DACH2: variants seen among roughly 807,000 people sequenced by gnomAD.
DACH2 encodes dachshund family transcription factor 2.
Under a neutral mutation model 35.8 loss-of-function variants are expected in DACH2, and 17 were observed. The observed-to-expected ratio is 0.48, with a 90% CI of 0.33 to 0.71. The LOEUF (loss-of-function observed/expected upper bound fraction) is 0.71, where lower values mean the gene tolerates loss of function less well. DACH2 is among the 30% of genes least tolerant of loss of function. The pLI, the probability that DACH2 is intolerant of heterozygous loss-of-function variation, is 0.02. For missense variants in DACH2, 469 were observed against 472.7 expected (o/e 0.99, Z 0.07); for synonymous variants, 195 against 177.3 (o/e 1.10, Z -0.79).
intron 3 of DACH2, among the ~76,000 whole-genome samples, chrX:86,605,587 G>A (rs1476673920): frequency 9.1e-6 from 1 of 110,101 alleles, no homozygotes; most frequent in Non-Finnish European, 1.9e-5. Flanking sequence ...TAAGCATTTG[G>A]CCATTTTCTC....
chrX:86,339,568 G>C (rs1334964043), intron 1 of DACH2, among the ~76,000 whole-genome samples: 1 of 111,439 alleles, frequency 9.0e-6, no homozygotes, highest in Non-Finnish European at 1.9e-5. Context: ...CTGTCTTACA[G>C]ATAAGGAACC....
chrX:86,663,233 T>A (rs1253904881), intron 4 of DACH2, among the ~76,000 whole-genome samples: 7 of 111,765 alleles, frequency 6.3e-5, no homozygotes, highest in Non-Finnish European at 1.1e-4. Flanking sequence ...GGTTTTTAAC[T>A]TACTGAGGGA....
At chrX:86,344,343 T>C (rs931086732) in intron 1 of DACH2, among the ~76,000 whole-genome samples, 1,420 of 92,573 alleles carry the variant, frequency 0.015, 24 homozygotes, top group African/African-American at 0.05. Flanking sequence ...TATATATATA[T>C]ACACACACAC....
chrX:86,334,205 A>G (rs1444243049), intron 1 of DACH2, among the ~76,000 whole-genome samples: 1 of 112,130 alleles, frequency 8.9e-6, no homozygotes, highest in Non-Finnish European at 1.9e-5. Flanking sequence ...GAACAGTGCC[A>G]CAATAAACAT....
intron 1 of DACH2, among the ~76,000 whole-genome samples, chrX:86,346,407 A>G (rs758633388): frequency 9.5e-5 from 10 of 105,421 alleles, no homozygotes; most frequent in African/African-American, 3.9e-4. Flanking sequence ...TTTTATAGAT[A>G]TCTATCCATT....
intron 3 of DACH2, among the ~76,000 whole-genome samples, chrX:86,635,481 G>A (rs1175418054): frequency 9.0e-6 from 1 of 111,042 alleles, no homozygotes; most frequent in African/African-American, 3.3e-5. Flanking sequence ...AGACAAGAAT[G>A]CCCTCTCTCA....
intron 1 of DACH2, among the ~76,000 whole-genome samples, chrX:86,287,026 G>A (rs771468844): frequency 2.8e-4 from 31 of 110,815 alleles, no homozygotes; most frequent in Non-Finnish European, 4.7e-4. Context: ...GTTTCTCATT[G>A]AAAGACTTCA....
chrX:86,705,050 CAT>C (rs753181886), intron 5 of DACH2, among the ~76,000 whole-genome samples: 12 of 75,268 alleles, frequency 1.6e-4, no homozygotes, highest in African/African-American at 2.4e-4. Flanking sequence ...ATATATCTCA[CAT>C]ATATATATAT....
At chrX:86,469,105 G>A (rs768188779) in intron 2 of DACH2, among the ~76,000 whole-genome samples, 43 of 111,637 alleles carry the variant, frequency 3.9e-4, no homozygotes, top group African/African-American at 1.4e-3. Context: ...GCCAGGCACA[G>A]ATAAACAAAT....
intron 3 of DACH2, among the ~76,000 whole-genome samples, chrX:86,581,378 AAACTTG>A (rs147805664): frequency 0.012 from 1,344 of 109,937 alleles, 9 homozygotes; most frequent in Non-Finnish European, 0.019. Flanking sequence ...TACCAATATT[AAACTTG>A]AATGTATGTG....
chrX:86,486,781 C>A (rs1320402708), intron 2 of DACH2, among the ~76,000 whole-genome samples: 1 of 112,103 alleles, frequency 8.9e-6, no homozygotes, highest in East Asian at 2.8e-4. Flanking sequence ...GGCTTAACTT[C>A]TCACCTTAAA....
chrX:86,618,037 A>T (rs1039610306), intron 3 of DACH2, among the ~76,000 whole-genome samples: 3 of 111,945 alleles, frequency 2.7e-5, no homozygotes, highest in Non-Finnish European at 3.8e-5. Context: ...GGTAGTTGGG[A>T]GGCTGAGGTG....
intron 1 of DACH2, among the ~76,000 whole-genome samples, chrX:86,313,168 A>C (rs1277365175): frequency 1.8e-5 from 2 of 111,306 alleles, no homozygotes; most frequent in Admixed American, 9.6e-5. Flanking sequence ...TTGTACTATT[A>C]TATCAGTTAT....
At chrX:86,209,628 G>A (rs1478671797) in intron 1 of DACH2, among the ~76,000 whole-genome samples, 1 of 110,885 alleles carries the variant, frequency 9.0e-6, no homozygotes. Context: ...TCCCAGTGCA[G>A]ATAACACAGG....
chrX:86,689,371 C>A (rs768687185), intron 4 of DACH2, among the ~76,000 whole-genome samples: 76 of 111,460 alleles, frequency 6.8e-4, no homozygotes, highest in Non-Finnish European at 1.3e-3. Flanking sequence ...CTTTACAATA[C>A]ACTAAACCCT....
chrX:86,594,842 G>A lies in DACH2; in HGVS notation c.641-56194G>A, dbSNP rs951178404. 1.1e-4 allele frequency among the ~76,000 whole-genome samples: 12 copies of A among 111,260 alleles called. 1 individual carries two copies. The South Asian group carries it at 1.1e-3, about 10-fold the overall frequency. The stretch of plus-strand genomic sequence containing the variant: ...ATTCTGTCCTAAGATATTTTCTGTC[G>A]GCCAGGTCTGTGAATTACTGATAGA... On this transcript the variant is annotated intron_variant, in intron 3 of 11. Coordinates refer to ENST00000373125, the MANE Select transcript of DACH2 (RefSeq NM_053281.3).
intron 1 of DACH2, among the ~76,000 whole-genome samples, chrX:86,284,890 G>A (rs1464314952): frequency 1.8e-5 from 2 of 111,055 alleles, no homozygotes; most frequent in African/African-American, 3.3e-5. Context: ...TGTTTAGGAA[G>A]TTGTCCATTT....
chrX:86,298,241 C>T lies in DACH2; in HGVS notation c.489-78583C>T, dbSNP rs760145607. The stretch of plus-strand genomic sequence containing the variant: ...TCCAAAATGATATATTTCCATAATT[C>T]TCAGTAGTGATTTGACCCTCTTGGT... On this transcript the variant is annotated intron_variant, in intron 1 of 11. Transcript: ENST00000373125. Among the ~76,000 whole-genome samples the T allele has an allele frequency of 2.9e-4, 32 of 111,750 alleles. No individual in the cohort carries two copies. In the South Asian group the frequency reaches 9.4e-3, roughly 33 times the overall value.
At chrX:86,379,472 C>A (rs1406496830) in intron 2 of DACH2, among the ~76,000 whole-genome samples, 1 of 104,266 alleles carries the variant, frequency 9.6e-6, no homozygotes, top group Admixed American at 1.0e-4. Flanking sequence ...AAAAAGGAAA[C>A]AATTAAATTC....
Sources: gnomAD v4.1 joint callset for allele counts (sites outside exome capture counted in the v4.1 genomes callset) on GRCh38, gnomAD v4.1.1 for gene constraint, MANE v1.5 for transcripts, NCBI Gene and HGNC (gene_info 2026-07-23, HGNC 2026-07-21) for gene names.